NR3C2: variants seen among roughly 807,000 people sequenced by gnomAD.
NR3C2 encodes the protein nuclear receptor subfamily 3 group C member 2.
A neutral mutation model predicts 86.4 loss-of-function variants in NR3C2; 15 were observed. The observed-to-expected ratio is 0.17, with a 90% confidence interval of 0.12 to 0.27. The LOEUF (loss-of-function observed/expected upper bound fraction) is 0.27, where lower values mean the gene tolerates loss of function less well. Among genes scored for constraint, NR3C2 ranks in the 10% least tolerant of loss-of-function variants. NR3C2 has a pLI of 1.00. For missense variants in NR3C2, 960 were observed against 1,195.6 expected (o/e 0.80, Z 2.91); for synonymous variants, 458 against 450.5 (o/e 1.02, Z -0.21).
intron 2 of NR3C2, among the ~76,000 whole-genome samples, chr4:148,293,392 A>T (rs1741889795): frequency 6.6e-6 from 1 of 152,164 alleles, no homozygotes; most frequent in Non-Finnish European, 1.5e-5. Context: ...TGTTCTGTGA[A>T]CGTTTTAAAA....
intron 4 of NR3C2, among the ~76,000 whole-genome samples, chr4:148,161,355 C>CTT (rs1180190077): frequency 2.0e-5 from 3 of 146,744 alleles, no homozygotes; most frequent in African/African-American, 7.5e-5. Context: ...ATATATTACA[C>CTT]TTTTTTTTTT....
intron 2 of NR3C2, among the ~76,000 whole-genome samples, chr4:148,372,794 T>C (rs560411865): frequency 4.1e-4 from 62 of 152,326 alleles, no homozygotes. Flanking sequence ...AGATTAAATA[T>C]GCTAATCCTT....
intron 2 of NR3C2, among the ~76,000 whole-genome samples, chr4:148,377,268 T>C (rs1360710853): frequency 6.6e-6 from 1 of 152,162 alleles, no homozygotes; most frequent in Non-Finnish European, 1.5e-5. Context: ...GGAAAGTGTC[T>C]CAGGAGGTGA....
intron 4 of NR3C2, among the ~76,000 whole-genome samples, chr4:148,156,966 T>C (rs1192608622): frequency 6.6e-6 from 1 of 151,974 alleles, no homozygotes; most frequent in Non-Finnish European, 1.5e-5. Context: ...CATGGAATAC[T>C]ATGCAGCCAT....
chr4:148,158,948 G>T (rs537929414), intron 4 of NR3C2, among the ~76,000 whole-genome samples: 1 of 152,184 alleles, frequency 6.6e-6, no homozygotes, highest in African/African-American at 2.4e-5. Flanking sequence ...TACTCCAATA[G>T]TTCAAGGTAA....
At chr4:148,249,078 C>A (rs1007050119) in intron 3 of NR3C2, among the ~76,000 whole-genome samples, 2 of 152,014 alleles carry the variant, frequency 1.3e-5, no homozygotes. Flanking sequence ...ACAATGGTGC[C>A]GCCTTTATTA....
intron 2 of NR3C2, among the ~76,000 whole-genome samples, chr4:148,268,293 C>T (rs896107047): frequency 2.6e-5 from 4 of 151,980 alleles, no homozygotes; most frequent in East Asian, 3.9e-4. Context: ...CATTATTTAG[C>T]GGGAATATTT....
chr4:148,318,506 T>G (rs1343969656), intron 2 of NR3C2, among the ~76,000 whole-genome samples: 1 of 150,368 alleles, frequency 6.7e-6, no homozygotes. Context: ...TGTAAAAGTG[T>G]TCCTATTTCT....
At chr4:148,435,050 C>A in intron 2 of NR3C2, 54 bp downstream of exon 2, 1 of 1,523,604 alleles carries the variant, frequency 6.6e-7, no homozygotes, top group South Asian at 1.1e-5. Context: ...ATAATGCTAA[C>A]CTTCAACATG....
intron 2 of NR3C2, among the ~76,000 whole-genome samples, chr4:148,333,429 A>G (rs2149971185): frequency 6.6e-6 from 1 of 152,296 alleles, no homozygotes; most frequent in Non-Finnish European, 1.5e-5. Context: ...ACTACCTAAA[A>G]GACTACATTT....
chr4:148,141,604 A>G (rs1220712454), intron 6 of NR3C2, among the ~76,000 whole-genome samples: 2 of 152,194 alleles, frequency 1.3e-5, no homozygotes, highest in Non-Finnish European at 2.9e-5. Flanking sequence ...AGTACTATAG[A>G]GCAGGGGTCC....
intron 2 of NR3C2, among the ~76,000 whole-genome samples, chr4:148,262,693 T>G (rs1740183989): frequency 6.6e-6 from 1 of 152,070 alleles, no homozygotes; most frequent in African/African-American, 2.4e-5. Flanking sequence ...TGGAATAGGG[T>G]GGACCCCAAT....
chr4:148,347,612 A>G (rs1745059984), intron 2 of NR3C2, among the ~76,000 whole-genome samples: 1 of 152,142 alleles, frequency 6.6e-6, no homozygotes, highest in African/African-American at 2.4e-5. Context: ...CACCAGTGGG[A>G]ATAAACATTT....
intron 3 of NR3C2, among the ~76,000 whole-genome samples, chr4:148,213,204 C>G (rs2149818610): frequency 6.6e-6 from 1 of 151,850 alleles, no homozygotes; most frequent in Non-Finnish European, 1.5e-5. Context: ...CACAGTGCCA[C>G]AGCACACACA....
At chr4:148,117,144 A>G (rs1732306954) in intron 7 of NR3C2, among the ~76,000 whole-genome samples, 1 of 152,282 alleles carries the variant, frequency 6.6e-6, no homozygotes, top group African/African-American at 2.4e-5. Flanking sequence ...GCAGCGGGAG[A>G]TGGGGCTGGG....
intron 2 of NR3C2, among the ~76,000 whole-genome samples, chr4:148,352,652 ATCT>A (rs1456743268): frequency 1.3e-5 from 2 of 152,178 alleles, no homozygotes; most frequent in Non-Finnish European, 2.9e-5. Context: ...AAAATCAATC[ATCT>A]TCAAGTTTAA....
intron 5 of NR3C2, among the ~76,000 whole-genome samples, chr4:148,153,405 T>C (rs1734196046): frequency 6.6e-6 from 1 of 152,188 alleles, no homozygotes; most frequent in Non-Finnish European, 1.5e-5. Flanking sequence ...CTCAAATTCC[T>C]GACCTCAAGT....
chr4:148,122,850 A>G (rs1318240788), intron 6 of NR3C2, among the ~76,000 whole-genome samples: 2 of 152,200 alleles, frequency 1.3e-5, no homozygotes, highest in Admixed American at 1.3e-4. Context: ...TTAACTGTAC[A>G]AATTGATTGT....
intron 4 of NR3C2, among the ~76,000 whole-genome samples, chr4:148,163,882 G>A (rs536614663): frequency 6.6e-6 from 1 of 152,258 alleles, no homozygotes; most frequent in African/African-American, 2.4e-5. Flanking sequence ...ACTATAAGTA[G>A]CATTAGAGGG....
Sources: allele counts gnomAD v4.1 joint callset (sites outside exome capture counted in the v4.1 genomes callset), GRCh38; gene constraint gnomAD v4.1.1; transcripts MANE v1.5; gene names NCBI Gene and HGNC (gene_info 2026-07-23, HGNC 2026-07-21).